Variants in CCDC7 observed in about 807,000 individuals in gnomAD.
CCDC7 encodes coiled-coil domain-containing protein 7.
CCDC7 carries 183 observed loss-of-function variants against 196.9 expected under a neutral mutation model. The ratio of observed to expected loss-of-function variants is 0.93; its 90% CI spans 0.82 to 1.05. CCDC7 has a LOEUF of 1.05. CCDC7 is among the 50% of genes least tolerant of loss of function. The pLI is 0.00. For missense variants in CCDC7, 1,540 were observed against 1,482.2 expected (o/e 1.04, Z -0.64); for synonymous variants, 525 against 484.6 (o/e 1.08, Z -1.10).
chr10:32,574,791 A>G (rs2058003955), intron 16 of CCDC7, among the ~76,000 whole-genome samples: 1 of 152,220 alleles, frequency 6.6e-6, no homozygotes, highest in Admixed American at 6.5e-5. Flanking sequence ...TACTTTCATT[A>G]GGACTTTCAT....
intron 28 of CCDC7, among the ~76,000 whole-genome samples, chr10:32,773,369 C>T (rs1437051893): frequency 6.6e-6 from 1 of 151,998 alleles, no homozygotes; most frequent in Non-Finnish European, 1.5e-5. Flanking sequence ...TTTTTATTCA[C>T]TTTTCTTTTT....
rs199998992 is a variant in CCDC7, at chr10:32,456,462, TG to T, written c.456+130del. 7.2e-3 allele frequency: 5,074 copies of T among 706,464 alleles called. 44 individuals are homozygous for T. The highest frequency in any genetic ancestry group is 8.6e-3 in the Non-Finnish European group (4,235 of 494,042). The allele number at this position is 706,464 out of a possible 1,614,324, so 43.8% of individuals were successfully genotyped here. ...TGTCTTAAGAAATTATAAATGGCAT[TG>T]GAAAACATTATTTATTTATTTTTTA... On this transcript the variant is annotated intron_variant, in intron 3 of 41. Transcript: ENST00000639629.
At chr10:32,674,212 T>C (rs1235053396) in intron 21 of CCDC7, among the ~76,000 whole-genome samples, 4 of 151,862 alleles carry the variant, frequency 2.6e-5, no homozygotes, top group Non-Finnish European at 5.9e-5. Context: ...ATATTTTTTA[T>C]AGTGATTATC....
At chr10:32,491,328 A>G (rs893105283) in intron 8 of CCDC7, among the ~76,000 whole-genome samples, 2 of 152,094 alleles carry the variant, frequency 1.3e-5, no homozygotes, top group Non-Finnish European at 2.9e-5. Context: ...TATACTTTTT[A>G]TGTCACAAGA....
At chr10:32,578,092 GT>G (rs2058398754) in intron 16 of CCDC7, among the ~76,000 whole-genome samples, 1 of 152,118 alleles carries the variant, frequency 6.6e-6, no homozygotes, top group African/African-American at 2.4e-5. Flanking sequence ...GTTAGAACTT[GT>G]TTTTAGGATG....
At chr10:32,485,273 T>A (rs963881805) in intron 8 of CCDC7, among the ~76,000 whole-genome samples, 26 of 152,268 alleles carry the variant, frequency 1.7e-4, no homozygotes, top group Non-Finnish European at 3.4e-4. Flanking sequence ...TTTTCTAGTT[T>A]ATTTGCATAG....
chr10:32,743,643 A>G (rs1425548252), intron 28 of CCDC7, among the ~76,000 whole-genome samples: 1 of 152,192 alleles, frequency 6.6e-6, no homozygotes, highest in African/African-American at 2.4e-5. Context: ...TACTGGGTAT[A>G]TACCCAAAGG....
At chr10:32,578,810 A>G (rs543969058) in intron 16 of CCDC7, among the ~76,000 whole-genome samples, 90 of 152,226 alleles carry the variant, frequency 5.9e-4, no homozygotes, top group Non-Finnish European at 1.2e-3. Flanking sequence ...GTGATATAGA[A>G]TGTATCTTTT....
At chr10:32,792,135 T>C (rs1330125189) in intron 29 of CCDC7, among the ~76,000 whole-genome samples, 1 of 152,182 alleles carries the variant, frequency 6.6e-6, no homozygotes, top group Non-Finnish European at 1.5e-5. Context: ...AAAAATAATC[T>C]TTTTACAAAC....
chr10:32,555,333 C>T (rs1364175523), intron 13 of CCDC7, among the ~76,000 whole-genome samples: 1 of 151,762 alleles, frequency 6.6e-6, no homozygotes, highest in Non-Finnish European at 1.5e-5. Flanking sequence ...GCAACCTCTG[C>T]CTCCTGGGTT....
downstream of CCDC7, among the ~76,000 whole-genome samples, chr10:32,879,576 T>C (rs2137040303): frequency 6.6e-6 from 1 of 152,206 alleles, no homozygotes; most frequent in Non-Finnish European, 1.5e-5. Context: ...TTTGAGTTCC[T>C]CTTGACCGAA....
chr10:32,456,407 T>A lies in CCDC7; in HGVS notation c.456+73T>A. The stretch of plus-strand genomic sequence containing the variant: ...TGGTTGTTGAAAATTGAATCTGCTA[T>A]CCAGTCAGCCAACATTAATCTAGAT... On this transcript the variant is annotated intron_variant, in intron 3 of 41. Transcript: ENST00000639629. The A allele has an allele frequency of 3.2e-6, 4 of 1,240,264 alleles. No homozygotes were observed. In the East Asian group the frequency reaches 8.3e-5, roughly 26 times the overall value. 76.8% of individuals were successfully genotyped at this position (1,240,264 alleles called of 1,614,324 possible). A position where few individuals can be genotyped will look rare whatever the true frequency, so the allele number is the denominator to read the frequency against.
At chr10:32,626,117 A>G (rs1042148568) in intron 18 of CCDC7, among the ~76,000 whole-genome samples, 1 of 152,034 alleles carries the variant, frequency 6.6e-6, no homozygotes, top group African/African-American at 2.4e-5. Context: ...TGGTGATTCT[A>G]TTTTTAGTGT....
chr10:32,744,144 A>G (rs1276756245), intron 28 of CCDC7, among the ~76,000 whole-genome samples: 1 of 151,898 alleles, frequency 6.6e-6, no homozygotes, highest in African/African-American at 2.4e-5. Flanking sequence ...TAATTTAAAA[A>G]AAAAGAAAAA....
intron 21 of CCDC7, chr10:32,675,658 C>CT (rs2140899348): frequency 6.6e-6 from 1 of 152,368 alleles, no homozygotes; most frequent in African/African-American, 2.4e-5. Flanking sequence ...TTCATTTCAA[C>CT]TTTAAGAATT....
intron 25 of CCDC7, among the ~76,000 whole-genome samples, chr10:32,714,164 G>T (rs1295295097): frequency 6.6e-6 from 1 of 152,198 alleles, no homozygotes; most frequent in African/African-American, 2.4e-5. Flanking sequence ...TACCAATGCA[G>T]AAGGTGGGTG....
chr10:32,714,557 C>A (rs996864142), intron 25 of CCDC7, among the ~76,000 whole-genome samples: 2 of 152,132 alleles, frequency 1.3e-5, no homozygotes, highest in African/African-American at 4.8e-5. Context: ...CAGAACCATT[C>A]GCTCCCCTGG....
intron 28 of CCDC7, among the ~76,000 whole-genome samples, chr10:32,763,260 A>C (rs2077737015): frequency 6.6e-6 from 1 of 151,968 alleles, no homozygotes; most frequent in South Asian, 2.1e-4. Flanking sequence ...GGCATATGAA[A>C]AGATGCTCAA....
intron 20 of CCDC7, among the ~76,000 whole-genome samples, chr10:32,640,876 CTTTT>C (rs1193198487): frequency 1.1e-5 from 1 of 87,104 alleles, no homozygotes; most frequent in Non-Finnish European, 2.4e-5. Context: ...TTTTTTTTTT[CTTTT>C]TTTTTTTATT....
Sources: gnomAD v4.1 joint callset for allele counts (sites outside exome capture counted in the v4.1 genomes callset) on GRCh38, gnomAD v4.1.1 for gene constraint, MANE v1.5 for transcripts, NCBI Gene and HGNC (gene_info 2026-07-23, HGNC 2026-07-21) for gene names.